Variants in VEZT observed in about 807,000 individuals in gnomAD.
VEZT encodes the protein vezatin.
Under a neutral mutation model 79.9 loss-of-function variants are expected in VEZT, and 39 were observed. The observed-to-expected ratio is 0.49, with a 90% confidence interval of 0.38 to 0.64. The LOEUF (loss-of-function observed/expected upper bound fraction) is 0.64. Ranked by LOEUF, VEZT falls within the 30% of genes least tolerant of loss-of-function variation. The pLI, the probability that VEZT is intolerant of heterozygous loss-of-function variation, is 0.00. For missense variants in VEZT, 837 were observed against 893.1 expected, an observed-to-expected ratio of 0.94 and a Z score of 0.80; for synonymous variants, 325 against 327.6, an observed-to-expected ratio of 0.99 and a Z score of 0.09.
rs373763733 is a variant in VEZT at position 95,270,958 on chromosome 12, G to A, written c.848+770G>A. Among the ~76,000 whole-genome samples the A allele has an allele frequency of 1.3e-4, 20 of 152,280 alleles. No individual in the cohort carries two copies. The East Asian group carries it at 1.3e-3, about 10-fold the overall frequency. On this transcript the variant is annotated intron_variant, in intron 6 of 11. Coordinates refer to ENST00000436874, the MANE Select transcript of VEZT (RefSeq NM_017599.4). ...GACAACTTTGCCACTTCAGAATGCT[G>A]GGTATTGTAGCACTGATAAATATAA... is the stretch of plus-strand genomic sequence containing the variant.
intron 7 of VEZT, 122 bp from the exon 8 acceptor site, chr12:95,282,191 A>T (rs943091864): frequency 1.2e-6 from 1 of 845,460 alleles, no homozygotes; most frequent in African/African-American, 1.7e-5. Flanking sequence ...GTTCGGCTAT[A>T]TTTATTATTT....
Position 95,300,405 on chromosome 12 carries a change from G to C in VEZT, c.2072G>C (p.Cys691Ser). The C allele has an allele frequency of 6.2e-7, 1 of 1,613,980 alleles. No homozygotes were observed. The highest frequency in any genetic ancestry group is 1.1e-5 in the South Asian group (1 of 91,066). ...VFPQGAEERM[C>S]YQCESEDEPQ... ...CCCCAAGGAGCAGAAGAAAGAATGTGTTACCAATGTGAGAGTGAAGATGAA... is the reference window on the plus strand; with the variant it reads ...CCCCAAGGAGCAGAAGAAAGAATGTCTTACCAATGTGAGAGTGAAGATGAA... The change falls in exon 12 of 12, where the codon TGT (cysteine) becomes TCT (serine). Residue 691 changes from cysteine (C) to serine (S), a missense_variant. Physicochemically the swap from Cys to Ser is moderately radical, Grantham distance 112. Transcript: ENST00000436874.
Position 95,287,884 on chromosome 12 carries a change from A to G in VEZT, c.1522+27A>G, listed in dbSNP as rs370957190. The G allele has an allele frequency of 1.9e-6, 3 of 1,556,646 alleles. No homozygotes were observed. In the African/African-American group the frequency reaches 4.1e-5, roughly 21 times the overall value. On this transcript the variant is annotated intron_variant, in intron 9 of 11. Coordinates refer to ENST00000436874, the MANE Select transcript of VEZT (RefSeq NM_017599.4). The stretch of plus-strand genomic sequence containing the variant: ...TACCTGTGAGAGATTTCTTTGCCAT[A>G]TGCTTATCAGACATGCTTATTCCAC...
At chr12:95,244,124 A>G (rs1053126853) in intron 1 of VEZT, 5 of 390,510 alleles carry the variant, frequency 1.3e-5, no homozygotes, top group Non-Finnish European at 2.0e-5. Context: ...GGCCAGGCAC[A>G]GTGCCTTACA....
At chr12:95,293,130 G>A (rs767149275) in intron 9 of VEZT, among the ~76,000 whole-genome samples, 3 of 152,176 alleles carry the variant, frequency 2.0e-5, no homozygotes, top group Admixed American at 1.3e-4. Flanking sequence ...GATTACAGGC[G>A]TGAGCCACTG....
intron 1 of VEZT, among the ~76,000 whole-genome samples, chr12:95,246,156 T>C (rs1286516977): frequency 6.6e-6 from 1 of 151,934 alleles, no homozygotes; most frequent in Non-Finnish European, 1.5e-5. Context: ...GGAGTCTCGC[T>C]CTGTTGCCCA....
chr12:95,256,675 A>AC, intron 2 of VEZT: 1 of 1,015,422 alleles, frequency 9.8e-7, no homozygotes, highest in Non-Finnish European at 1.3e-6. Context: ...TCAATATATG[A>AC]CAGTTTTTCT....
intron 1 of VEZT, among the ~76,000 whole-genome samples, chr12:95,250,027 T>C (rs541034271): frequency 5.2e-4 from 78 of 151,172 alleles, no homozygotes; most frequent in African/African-American, 1.8e-3. Flanking sequence ...CTTTTTTTTT[T>C]CTGTTGTTTT....
At chr12:95,287,882 A>C (rs1371183271) in intron 9 of VEZT, 25 bp downstream of exon 9, 1 of 1,560,024 alleles carries the variant, frequency 6.4e-7, no homozygotes, top group African/African-American at 1.4e-5. Context: ...TTTCTTTGCC[A>C]TATGCTTATC....
At position 95,300,390 on chromosome 12, in the gene VEZT, C is replaced by T. The variant is rs376503137; in HGVS notation, c.2057C>T (p.Ala686Val). 53 of 1,613,884 alleles carry T rather than the reference C, an allele frequency of 3.3e-5. No individual in the cohort carries two copies. The African/African-American group carries it at 6.4e-4, about 19-fold the overall frequency. The change falls in exon 12 of 12, where the codon GCA (alanine) becomes GTA (valine). Residue 686 changes from alanine (A) to valine (V), a missense_variant. Ala to Val is a moderately conservative substitution (Grantham distance 64). Transcript: ENST00000436874. ...NSSNEVFPQGAEERMCYQCES... is the reference protein window; with the variant it reads ...NSSNEVFPQGVEERMCYQCES... ...TCAAATGAAGTCTTCCCCCAAGGAG[C>T]AGAAGAAAGAATGTGTTACCAATGT...
intron 1 of VEZT, chr12:95,218,184 C>CG (rs5800194): frequency 0.26 from 70,872 of 275,788 alleles, 10,739 homozygotes; most frequent in African/African-American, 0.47. Context: ...GGATGTGCGG[C>CG]GGGGGGGACT....
rs534705130 is a variant in VEZT, at chr12:95,257,132, G to T, written c.169-18G>T. 1.9e-6 allele frequency: 3 copies of T among 1,595,098 alleles called. No homozygotes were observed. The South Asian group carries it at 3.4e-5, about 18-fold the overall frequency. On this transcript the variant is annotated intron_variant, in intron 2 of 11. Transcript: ENST00000436874. ...TATGCTTTTAATAATCCTATACAAT[G>T]TCATTCATTTCCTTCAGCAAGGTAT... is the stretch of plus-strand genomic sequence containing the variant.
intron 1 of VEZT, among the ~76,000 whole-genome samples, chr12:95,235,153 G>T (rs372993763): frequency 6.6e-6 from 1 of 151,718 alleles, no homozygotes; most frequent in Non-Finnish European, 1.5e-5. Context: ...ATCATGGCCC[G>T]TTCTCAACGA....
chr12:95,285,946 G>C (rs2070666778), intron 8 of VEZT, among the ~76,000 whole-genome samples: 1 of 139,352 alleles, frequency 7.2e-6, no homozygotes, highest in Non-Finnish European at 1.5e-5. Flanking sequence ...TGTCATACTA[G>C]TAAATAAAAA....
At chr12:95,235,650 C>T (rs1234493939) in intron 1 of VEZT, among the ~76,000 whole-genome samples, 10 of 141,538 alleles carry the variant, frequency 7.1e-5, no homozygotes, top group Admixed American at 2.1e-4. Flanking sequence ...CCGGATGGGG[C>T]GGCTGGCCGG....
At chr12:95,266,997 T>C (rs944565864) in intron 5 of VEZT, among the ~76,000 whole-genome samples, 5 of 152,234 alleles carry the variant, frequency 3.3e-5, no homozygotes, top group African/African-American at 1.2e-4. Flanking sequence ...AAATGCCTTC[T>C]TTATGATAGA....
intron 11 of VEZT, 192 bp downstream of exon 11, chr12:95,296,450 A>G (rs2074153927): frequency 4.8e-6 from 2 of 415,478 alleles, no homozygotes; most frequent in Admixed American, 8.7e-5. Flanking sequence ...CATTGGAAAT[A>G]TGAAGTCATA....
intron 11 of VEZT, among the ~76,000 whole-genome samples, chr12:95,297,220 G>A (rs4762342): frequency 0.37 from 56,319 of 152,120 alleles, 11,247 homozygotes; most frequent in African/African-American, 0.53. Context: ...ATACTTGACA[G>A]TATCAACCTA....
chr12:95,299,445 A>G (rs1437699289), intron 11 of VEZT: 1 of 152,388 alleles, frequency 6.6e-6, no homozygotes, highest in East Asian at 1.9e-4. Flanking sequence ...ATATTTATGT[A>G]TTATATTTTG....
Sources: allele counts gnomAD v4.1 joint callset (sites outside exome capture counted in the v4.1 genomes callset), GRCh38; gene constraint gnomAD v4.1.1; transcripts MANE v1.5; gene names NCBI Gene and HGNC (gene_info 2026-07-23, HGNC 2026-07-21).